The following CNOT2 variants were observed in gnomAD, a reference collection of about 807,000 sequenced individuals.
CNOT2 encodes the protein CCR4-NOT transcription complex subunit 2.
Under a neutral mutation model 72.1 loss-of-function variants are expected in CNOT2, and 7 were observed. The observed-to-expected ratio is 0.10, with a 90% CI of 0.06 to 0.18. CNOT2 has a LOEUF of 0.18. CNOT2 is among the 10% of genes least tolerant of loss of function. CNOT2 has a pLI of 1.00. For synonymous variants in CNOT2, 196 were observed against 225.6 expected (o/e 0.87, Z 1.17); for missense variants, 345 against 660.3 (o/e 0.52, Z 5.23).
intron 1 of CNOT2, among the ~76,000 whole-genome samples, chr12:70,261,520 G>C (rs1958761454): frequency 6.6e-6 from 1 of 151,590 alleles, no homozygotes; most frequent in South Asian, 2.1e-4. Context: ...GTTTCACCAT[G>C]TTAGCCAGGA....
intron 2 of CNOT2, among the ~76,000 whole-genome samples, chr12:70,279,895 T>A (rs1440462002): frequency 1.3e-5 from 2 of 152,198 alleles, no homozygotes; most frequent in Non-Finnish European, 2.9e-5. Context: ...TCAGTCATAT[T>A]ATTTACAAAT....
At position 70,261,233 on chromosome 12, in the gene CNOT2, G is replaced by T. The variant is rs184101756; in HGVS notation, c.-95-16899G>T. 5.0e-3 allele frequency among the ~76,000 whole-genome samples: 730 copies of T among 144,560 alleles called. 3 individuals are homozygous for T. Among genetic ancestry groups the T allele is most frequent in the Non-Finnish European group, 8.5e-3 (564 of 66,082 alleles). 94.8% of individuals were successfully genotyped at this position (144,560 alleles called of 152,430 possible). On this transcript the variant is annotated intron_variant, in intron 1 of 15. Coordinates refer to ENST00000229195, the MANE Select transcript of CNOT2 (RefSeq NM_014515.7). Reference sequence around the variant, plus strand: ...TGGGATAAATCCAACTGGTCATGTTGTATAATCCCTATTTTGCTGTATTTG... The same window carrying T: ...TGGGATAAATCCAACTGGTCATGTTTTATAATCCCTATTTTGCTGTATTTG...
chr12:70,302,514 A>G (rs925475852), intron 2 of CNOT2, among the ~76,000 whole-genome samples: 8 of 151,982 alleles, frequency 5.3e-5, no homozygotes, highest in Admixed American at 1.3e-4. Flanking sequence ...GTTTCCATGT[A>G]GTTGAGAGGT....
intron 3 of CNOT2, among the ~76,000 whole-genome samples, chr12:70,316,660 A>G (rs1475330824): frequency 1.3e-5 from 2 of 152,186 alleles, no homozygotes; most frequent in African/African-American, 4.8e-5. Context: ...TGTGTTTACT[A>G]ACCACCTTCA....
At chr12:70,293,197 A>G (rs1164667530) in intron 2 of CNOT2, among the ~76,000 whole-genome samples, 2 of 136,166 alleles carry the variant, frequency 1.5e-5, no homozygotes, top group Non-Finnish European at 3.1e-5. Context: ...TTTTGCTCTT[A>G]TCACCCAGGC....
At chr12:70,299,812 A>G (rs1170766867) in intron 2 of CNOT2, among the ~76,000 whole-genome samples, 1 of 152,168 alleles carries the variant, frequency 6.6e-6, no homozygotes, top group Non-Finnish European at 1.5e-5. Context: ...GACTTCCACA[A>G]TGGTTGAACT....
chr12:70,348,758 G>A (rs914520123), intron 15 of CNOT2, among the ~76,000 whole-genome samples: 1 of 151,894 alleles, frequency 6.6e-6, no homozygotes, highest in African/African-American at 2.4e-5. Context: ...ATTAATGTAG[G>A]ACTCCTTTAA....
intron 11 of CNOT2, among the ~76,000 whole-genome samples, chr12:70,339,091 T>TATATATACAC: frequency 7.2e-6 from 1 of 138,374 alleles, no homozygotes; most frequent in South Asian, 2.3e-4. Flanking sequence ...TATATATATA[T>TATATATACAC]ACACACACAC....
At chr12:70,246,640 T>C (rs1034199449) in intron 1 of CNOT2, among the ~76,000 whole-genome samples, 1 of 152,210 alleles carries the variant, frequency 6.6e-6, no homozygotes, top group African/African-American at 2.4e-5. Flanking sequence ...TATCAGATAT[T>C]TTGAAAAGAG....
intron 2 of CNOT2, among the ~76,000 whole-genome samples, chr12:70,291,737 A>G (rs1285285412): frequency 6.6e-6 from 1 of 152,188 alleles, no homozygotes; most frequent in Non-Finnish European, 1.5e-5. Context: ...GGAGATCGAG[A>G]CCAGCCTGGC....
chr12:70,354,206 G>A lies in CNOT2; in HGVS notation c.*291G>A. The A allele has an allele frequency of 2.7e-6, 1 of 363,872 alleles. No homozygotes were observed. The highest frequency in any genetic ancestry group is 4.7e-6 in the Non-Finnish European group (1 of 211,716). The allele number at this position is 363,872 out of a possible 1,614,324, so 22.5% of individuals were successfully genotyped here. On this transcript the variant is annotated 3_prime_UTR_variant, in exon 16 of 16. Transcript: ENST00000229195. ...GACAGACTTGAGTCTGTAAAGACAA[G>A]CAAATACACTGACAGAAGTTTACCA...
chr12:70,305,286 G>A (rs1875061192), intron 2 of CNOT2, among the ~76,000 whole-genome samples: 1 of 152,194 alleles, frequency 6.6e-6, no homozygotes, highest in Non-Finnish European at 1.5e-5. Flanking sequence ...ATAGACTGGA[G>A]CTGTTCCTAT....
intron 15 of CNOT2, among the ~76,000 whole-genome samples, chr12:70,350,378 A>G (rs1424660002): frequency 6.6e-6 from 1 of 152,206 alleles, no homozygotes; most frequent in African/African-American, 2.4e-5. Flanking sequence ...ACATATTAGT[A>G]CATCCTTATA....
At chr12:70,302,971 T>G (rs1361001582) in intron 2 of CNOT2, among the ~76,000 whole-genome samples, 2 of 152,378 alleles carry the variant, frequency 1.3e-5, no homozygotes, top group South Asian at 4.1e-4. Context: ...CATTGTGTAA[T>G]GGCCTTCTTT....
intron 2 of CNOT2, chr12:70,293,962 T>TTAA: frequency 3.0e-6 from 1 of 334,294 alleles, no homozygotes; most frequent in Non-Finnish European, 6.0e-6. Context: ...TTTGAATTAG[T>TTAA]CTGAAAGATG....
rs575270744 is a variant in CNOT2 at position 70,286,188 on chromosome 12, C to G, written c.48+7914C>G. Reference sequence around the variant, plus strand: ...AAGTTTATCTGAACAAAGCAGTATTCTAAAACTTCAGGAAGATTACATTCC... The same window carrying G: ...AAGTTTATCTGAACAAAGCAGTATTGTAAAACTTCAGGAAGATTACATTCC... On this transcript the variant is annotated intron_variant, in intron 2 of 15. Transcript: ENST00000229195. Among the ~76,000 whole-genome samples, 20 of 149,050 alleles carry G rather than the reference C, an allele frequency of 1.3e-4. 2 individuals are homozygous for G. Among genetic ancestry groups the G allele is most frequent in the Admixed American group, 4.2e-4 (6 of 14,384 alleles).
chr12:70,336,644 A>G (rs1880741997), intron 8 of CNOT2: 1 of 152,046 alleles, frequency 6.6e-6, no homozygotes, highest in South Asian at 2.1e-4. Flanking sequence ...CCAAAATAAA[A>G]AAAAAAATGA....
rs137976871 is a variant in CNOT2, at chr12:70,339,699, T to C, written c.1178+877T>C. Among the ~76,000 whole-genome samples, 278 of 152,290 alleles carry C rather than the reference T, an allele frequency of 1.8e-3. 1 individual carries two copies. The highest frequency in any genetic ancestry group is 6.5e-3 in the African/African-American group (269 of 41,564). Reference sequence around the variant, plus strand: ...TTGCATGCTTAGTCCATTTACTCTTTTGCTCTCTTATGCAACTATCGTACA... The same window carrying C: ...TTGCATGCTTAGTCCATTTACTCTTCTGCTCTCTTATGCAACTATCGTACA... On this transcript the variant is annotated intron_variant, in intron 11 of 15. Transcript: ENST00000229195.
intron 2 of CNOT2, chr12:70,297,961 T>G (rs1565782085): frequency 5.9e-6 from 1 of 169,466 alleles, no homozygotes; most frequent in Non-Finnish European, 1.3e-5. Context: ...GCTCTTGAAT[T>G]CCTGACCTCA....
Sources: gnomAD v4.1 joint callset for allele counts (sites outside exome capture counted in the v4.1 genomes callset) on GRCh38, gnomAD v4.1.1 for gene constraint, MANE v1.5 for transcripts, NCBI Gene and HGNC (gene_info 2026-07-23, HGNC 2026-07-21) for gene names.